PSD3: variants seen among roughly 807,000 people sequenced by gnomAD.
PSD3 encodes pleckstrin and Sec7 domain containing 3, also known as PH and SEC7 domain-containing protein 3.
In PSD3, 49 loss-of-function variants were observed where a neutral mutation model predicts 105.5. The observed-to-expected ratio is 0.46, with a 90% confidence interval of 0.37 to 0.59. The LOEUF is 0.59. PSD3 is among the 20% of genes least tolerant of loss of function. PSD3 has a pLI of 0.00. For missense variants in PSD3, 1,561 were observed against 1,263.8 expected (o/e 1.24, Z -3.57); for synonymous variants, 557 against 457.8 (o/e 1.22, Z -2.77).
intron 1 of PSD3, among the ~76,000 whole-genome samples, chr8:19,076,869 C>T (rs79980212): frequency 0.013 from 1,954 of 152,178 alleles, 22 homozygotes; most frequent in Non-Finnish European, 0.022. Context: ...GTAGGAAGCA[C>T]GGTGTTAAGT....
At chr8:18,667,274 A>T (rs1799525449) in intron 9 of PSD3, among the ~76,000 whole-genome samples, 1 of 152,128 alleles carries the variant, frequency 6.6e-6, no homozygotes, top group Non-Finnish European at 1.5e-5. Flanking sequence ...GTGCATTTAC[A>T]ATCCCTGAGC....
At chr8:18,739,857 T>C (rs1804425088) in intron 9 of PSD3, among the ~76,000 whole-genome samples, 1 of 152,228 alleles carries the variant, frequency 6.6e-6, no homozygotes, top group Non-Finnish European at 1.5e-5. Context: ...AGTATCTGTC[T>C]TCATCAGTCT....
chr8:18,546,610 CT>C (rs1468184429), intron 15 of PSD3, among the ~76,000 whole-genome samples: 1 of 152,048 alleles, frequency 6.6e-6, no homozygotes, highest in African/African-American at 2.4e-5. Flanking sequence ...TTAATTTCAC[CT>C]GTTTCATCTA....
intron 12 of PSD3, among the ~76,000 whole-genome samples, chr8:18,590,040 A>G (rs1215440724): frequency 6.6e-6 from 1 of 152,222 alleles, no homozygotes; most frequent in Non-Finnish European, 1.5e-5. Context: ...AAAACAAGCA[A>G]AGAAAACAAC....
At chr8:18,844,170 T>C (rs1814888308) in intron 4 of PSD3, among the ~76,000 whole-genome samples, 1 of 152,108 alleles carries the variant, frequency 6.6e-6, no homozygotes, top group Non-Finnish European at 1.5e-5. Flanking sequence ...CTAAGAGCTG[T>C]ATCTCCCCAG....
intron 12 of PSD3, among the ~76,000 whole-genome samples, chr8:18,580,996 T>C (rs1020655868): frequency 2.6e-5 from 4 of 152,146 alleles, no homozygotes; most frequent in African/African-American, 4.8e-5. Context: ...CTTACAAAAA[T>C]ACTTTCAAGA....
chr8:18,566,484 C>G (rs925803268), intron 14 of PSD3, among the ~76,000 whole-genome samples: 3 of 149,302 alleles, frequency 2.0e-5, no homozygotes, highest in Non-Finnish European at 4.4e-5. Context: ...CGAGATCAAG[C>G]CACTGCACTC....
At chr8:19,070,664 T>A (rs1829224426) in intron 1 of PSD3, among the ~76,000 whole-genome samples, 2 of 152,108 alleles carry the variant, frequency 1.3e-5, no homozygotes, top group South Asian at 4.1e-4. Flanking sequence ...GGAGAGAAAG[T>A]GAGACTCTGT....
chr8:18,712,194 C>A (rs918876356), intron 9 of PSD3, among the ~76,000 whole-genome samples: 1 of 151,906 alleles, frequency 6.6e-6, no homozygotes, highest in African/African-American at 2.4e-5. Flanking sequence ...CATCAACAAC[C>A]TAACATCACA....
At chr8:18,792,992 A>G (rs1809865772) in intron 8 of PSD3, among the ~76,000 whole-genome samples, 1 of 152,204 alleles carries the variant, frequency 6.6e-6, no homozygotes. Context: ...AATACTATGC[A>G]GCCATAAAAA....
At chr8:18,708,149 T>G (rs1802012353) in intron 9 of PSD3, among the ~76,000 whole-genome samples, 1 of 152,220 alleles carries the variant, frequency 6.6e-6, no homozygotes, top group Admixed American at 6.5e-5. Context: ...AATTTACAGT[T>G]TTAATGGGGC....
intron 8 of PSD3, among the ~76,000 whole-genome samples, chr8:18,795,874 A>G (rs575314326): frequency 6.6e-6 from 1 of 152,360 alleles, no homozygotes; most frequent in South Asian, 2.1e-4. Context: ...TACCTTGTTG[A>G]TAGTTGAAAC....
rs180708050 is a variant in PSD3 at position 19,049,786 on chromosome 8, C to A, written c.324+34420G>T. On this transcript the variant is annotated intron_variant, in intron 1 of 1. Coordinates refer to the PSD3 transcript ENST00000521475. ...AAAAACATAGGTTATTTTCTCTCCT[C>A]GGCCTCCTGAGCCTGCATTGATTAG... Among the ~76,000 whole-genome samples the A allele has an allele frequency of 1.1e-3, 162 of 151,570 alleles. 1 individual carries two copies. The highest frequency in any genetic ancestry group is 3.3e-3 in the African/African-American group (136 of 41,394).
intron 4 of PSD3, among the ~76,000 whole-genome samples, chr8:18,826,519 G>A (rs184603602): frequency 4.5e-4 from 69 of 152,266 alleles, no homozygotes; most frequent in Middle Eastern, 3.4e-3. Flanking sequence ...TCCCTGTGAT[G>A]TAAATAAGAT....
intron 15 of PSD3, among the ~76,000 whole-genome samples, chr8:18,553,317 G>A (rs972004086): frequency 2.0e-5 from 3 of 151,966 alleles, no homozygotes; most frequent in African/African-American, 7.2e-5. Flanking sequence ...TCCTGTCACT[G>A]CCCATCTGTG....
chr8:18,645,228 G>A (rs1406596398), intron 10 of PSD3, among the ~76,000 whole-genome samples: 1 of 152,214 alleles, frequency 6.6e-6, no homozygotes, highest in Non-Finnish European at 1.5e-5. Context: ...TGACACCATA[G>A]CAAGAGTCTT....
intron 1 of PSD3, among the ~76,000 whole-genome samples, chr8:18,980,308 A>G (rs17127577): frequency 0.065 from 9,867 of 152,108 alleles, 1,107 homozygotes; most frequent in African/African-American, 0.23. Flanking sequence ...TGGCTTTCCT[A>G]AGAATGTGGT....
At chr8:18,546,872 T>C (rs1004184084) in intron 15 of PSD3, among the ~76,000 whole-genome samples, 2 of 152,196 alleles carry the variant, frequency 1.3e-5, no homozygotes, top group African/African-American at 4.8e-5. Flanking sequence ...CACATATAAG[T>C]TGCACAGGCT....
intron 1 of PSD3, among the ~76,000 whole-genome samples, chr8:18,981,291 AC>A (rs1355064592): frequency 2.6e-5 from 4 of 152,132 alleles, no homozygotes; most frequent in Non-Finnish European, 5.9e-5. Flanking sequence ...GTCACAGGTC[AC>A]CCCCCAACAC....
Sources: gnomAD v4.1 joint callset for allele counts (sites outside exome capture counted in the v4.1 genomes callset) on GRCh38, gnomAD v4.1.1 for gene constraint, MANE v1.5 for transcripts, NCBI Gene and HGNC (gene_info 2026-07-23, HGNC 2026-07-21) for gene names.